IRAK3: variants seen among roughly 807,000 people sequenced by gnomAD.
IRAK3 encodes interleukin 1 receptor associated kinase 3.
A neutral mutation model predicts 56.6 loss-of-function variants in IRAK3; 57 were observed. The ratio of observed to expected loss-of-function variants is 1.01; its 90% CI spans 0.81 to 1.26. The LOEUF is 1.26. Among genes scored for constraint, IRAK3 ranks in the 50% most tolerant of loss-of-function variants. The pLI is 0.00. For missense variants in IRAK3, 703 were observed against 719.0 expected, an observed-to-expected ratio of 0.98 and a Z score of 0.25; for synonymous variants, 258 against 255.7, an observed-to-expected ratio of 1.01 and a Z score of -0.09.
intron 8 of IRAK3, chr12:66,235,006 A>C (rs539484936): frequency 6.2e-7 from 1 of 1,613,754 alleles, no homozygotes; most frequent in Non-Finnish European, 8.5e-7. Flanking sequence ...TCGTTGTCTT[A>C]TGCAAAATTG....
chr12:66,253,215 C>T lies in IRAK3; in HGVS notation c.*5044C>T, dbSNP rs1440498055. On this transcript the variant is annotated 3_prime_UTR_variant, in exon 12 of 12. Transcript: ENST00000261233. ...TTCTAGTATTCAGAATATAATCAAT[C>T]ATTGCTTAAATTATTCCATTTCATC... 6.6e-6 allele frequency: 1 copy of T among 152,186 alleles called. No homozygotes were observed. Among genetic ancestry groups the T allele is most frequent in the Non-Finnish European group, 1.5e-5 (1 of 68,024 alleles). The allele number at this position is 152,186 out of a possible 1,614,324, so 9.4% of individuals were successfully genotyped here.
At chr12:66,222,429 A>G (rs952088542) in intron 6 of IRAK3, among the ~76,000 whole-genome samples, 4 of 151,676 alleles carry the variant, frequency 2.6e-5, no homozygotes, top group Non-Finnish European at 5.9e-5. Context: ...GAATCCATCT[A>G]TTTCTTTTAA....
At position 66,250,711 on chromosome 12, in the gene IRAK3, C is replaced by T. The variant is rs2053090309; in HGVS notation, c.*2540C>T. On this transcript the variant is annotated 3_prime_UTR_variant, in exon 12 of 12. Transcript: ENST00000261233. ...ACACCAGGCCCATGCAGTTACTCCG[C>T]ACATATAATCTGTGGGTATTATGTT... 1 of 152,216 alleles carries T rather than the reference C, an allele frequency of 6.6e-6. No homozygotes were observed. Among genetic ancestry groups the T allele is most frequent in the African/African-American group, 2.4e-5 (1 of 41,466 alleles). The allele number at this position is 152,216 out of a possible 1,614,324, so 9.4% of individuals were successfully genotyped here. A position where few individuals can be genotyped will look rare whatever the true frequency, so the allele number is the denominator to read the frequency against.
chr12:66,235,343 C>G (rs1334892269), intron 8 of IRAK3: 3 of 1,072,204 alleles, frequency 2.8e-6, no homozygotes, highest in African/African-American at 3.3e-5. Flanking sequence ...GCGGGGCAGC[C>G]TCGCCGCGAG....
chr12:66,236,620 T>C (rs925101199), intron 8 of IRAK3, among the ~76,000 whole-genome samples: 2 of 151,956 alleles, frequency 1.3e-5, no homozygotes, highest in African/African-American at 4.8e-5. Context: ...AGGTCTTTTT[T>C]CTCTTTCTGT....
At chr12:66,240,551 G>A (rs149101216) in intron 8 of IRAK3, among the ~76,000 whole-genome samples, 181 of 152,260 alleles carry the variant, frequency 1.2e-3, no homozygotes, top group African/African-American at 3.8e-3. Flanking sequence ...AGGAGAAACT[G>A]AGTCTTGCCT....
At position 66,228,236 on chromosome 12, in the gene IRAK3, G is replaced by A. The variant is rs767580609; in HGVS notation, c.769-16G>A. On this transcript the variant is annotated splice_polypyrimidine_tract_variant and intron_variant, in intron 7 of 11. Transcript: ENST00000261233. The stretch of plus-strand genomic sequence containing the variant: ...CTCAGAAAGTGCAACCAAACCAATT[G>A]CTGTTGTTGTTTTAGGGTGACACGG... 6.3e-7 allele frequency: 1 copy of A among 1,577,836 alleles called. No individual in the cohort carries two copies. The highest frequency in any genetic ancestry group is 1.3e-5 in the African/African-American group (1 of 74,168).
intron 6 of IRAK3, among the ~76,000 whole-genome samples, chr12:66,225,074 A>T (rs2052771836): frequency 6.6e-6 from 1 of 152,238 alleles, no homozygotes; most frequent in South Asian, 2.1e-4. Flanking sequence ...AGTAATACTT[A>T]AAAATAAGCA....
intron 1 of IRAK3, among the ~76,000 whole-genome samples, chr12:66,201,080 G>A (rs1015321495): frequency 7.2e-5 from 11 of 152,224 alleles, no homozygotes; most frequent in African/African-American, 2.2e-4. Flanking sequence ...GCCTCTCAAA[G>A]TGCTAGAACT....
rs2053119169 is a variant in IRAK3 at position 66,253,314 on chromosome 12, T to C, written c.*5143T>C. 1 of 152,252 alleles carries C rather than the reference T, an allele frequency of 6.6e-6. No homozygotes were observed. The highest frequency in any genetic ancestry group is 6.5e-5 in the Admixed American group (1 of 15,290). 9.4% of individuals were successfully genotyped at this position (152,252 alleles called of 1,614,324 possible). A position where few individuals can be genotyped will look rare whatever the true frequency, so the allele number is the denominator to read the frequency against. ...TTCGAAAAGAAGATTAGTCGTTGTA[T>C]GTGTTGCTTATAAATTTTCTCTATG... On this transcript the variant is annotated 3_prime_UTR_variant, in exon 12 of 12. Coordinates refer to ENST00000261233, the MANE Select transcript of IRAK3 (RefSeq NM_007199.3).
At chr12:66,209,341 G>A (rs2136923427) in intron 2 of IRAK3, 115 bp from the exon 3 acceptor site, 1 of 705,252 alleles carries the variant, frequency 1.4e-6, no homozygotes, top group South Asian at 1.5e-5. Flanking sequence ...GCATGGGAAT[G>A]AAACTTTAGA....
intron 8 of IRAK3, among the ~76,000 whole-genome samples, chr12:66,243,498 G>C (rs555675996): frequency 6.6e-6 from 1 of 152,332 alleles, no homozygotes; most frequent in Admixed American, 6.5e-5. Context: ...CCTAAGCAAA[G>C]CTGGGAATTG....
intron 8 of IRAK3, among the ~76,000 whole-genome samples, chr12:66,233,343 C>T (rs1152906): frequency 0.45 from 68,866 of 151,912 alleles, 19,200 homozygotes; most frequent in Non-Finnish European, 0.6. Context: ...ACGGTGAAAC[C>T]CCGTCTCTAC....
intron 8 of IRAK3, among the ~76,000 whole-genome samples, chr12:66,229,383 C>T (rs894988139): frequency 2.0e-5 from 3 of 152,100 alleles, no homozygotes; most frequent in African/African-American, 7.2e-5. Flanking sequence ...ATGAATACAC[C>T]TTTGCTGAAT....
chr12:66,212,680 T>C (rs774802265), intron 5 of IRAK3, among the ~76,000 whole-genome samples: 6 of 152,118 alleles, frequency 3.9e-5, no homozygotes, highest in Non-Finnish European at 8.8e-5. Flanking sequence ...ACATAAAAGA[T>C]AGCAACTCTC....
intron 7 of IRAK3, 39 bp from the exon 8 acceptor site, chr12:66,228,213 C>T (rs368560080): frequency 4.8e-6 from 7 of 1,448,804 alleles, no homozygotes; most frequent in Non-Finnish European, 4.9e-6. Context: ...AGTTTTTACT[C>T]AGAAAGTGCA....
intron 6 of IRAK3, among the ~76,000 whole-genome samples, chr12:66,224,021 G>A (rs1032890286): frequency 2.0e-5 from 3 of 152,008 alleles, no homozygotes; most frequent in African/African-American, 4.8e-5. Context: ...AATTCTATCG[G>A]CATTTTTAAT....
chr12:66,196,842 G>T (rs771499681), intron 1 of IRAK3: 1 of 1,453,936 alleles, frequency 6.9e-7, no homozygotes, highest in Non-Finnish European at 9.0e-7. Flanking sequence ...TGCATGCTTT[G>T]TAGAAAGAAA....
intron 4 of IRAK3, among the ~76,000 whole-genome samples, chr12:66,210,433 T>C (rs1398393260): frequency 2.9e-5 from 1 of 34,878 alleles, no homozygotes; most frequent in Non-Finnish European, 1.4e-4. Flanking sequence ...TTGTGGTCTC[T>C]TCACACGGGG....
Sources: gnomAD v4.1 joint callset for allele counts (sites outside exome capture counted in the v4.1 genomes callset) on GRCh38, gnomAD v4.1.1 for gene constraint, MANE v1.5 for transcripts, NCBI Gene and HGNC (gene_info 2026-07-23, HGNC 2026-07-21) for gene names.